The following IFT88 variants were observed in gnomAD, a reference collection of about 807,000 sequenced individuals.
IFT88 encodes the protein intraflagellar transport protein 88 homolog.
In IFT88, 74 loss-of-function variants were observed where a neutral mutation model predicts 119.5. The ratio of observed to expected loss-of-function variants is 0.62; its 90% CI spans 0.51 to 0.75. The LOEUF (loss-of-function observed/expected upper bound fraction) is 0.75, where lower values mean the gene tolerates loss of function less well. Ranked by LOEUF, IFT88 falls within the 30% of genes least tolerant of loss-of-function variation. IFT88 has a pLI of 0.00. For missense variants in IFT88, 961 were observed against 977.7 expected (o/e 0.98, Z 0.23); for synonymous variants, 279 against 316.7 (o/e 0.88, Z 1.26).
chr13:20,582,968 T>C lies in IFT88; in HGVS notation c.102T>C (p.Asn34=). 6.2e-7 allele frequency: 1 copy of C among 1,612,538 alleles called. No homozygotes were observed. The highest frequency in any genetic ancestry group is 8.5e-7 in the Non-Finnish European group (1 of 1,178,974). The change falls in exon 3 of 26, where the codon AAT becomes AAC. Residue 34 remains asparagine (N), a synonymous_variant. Transcript: ENST00000351808. ...CGTTTTCATTTTAGGAATTGGAGAA[T>C]GATGCAGCTTTTCAGCAAGCTGTGA... ...NPIYDIEELE[N]DAAFQQAVRT...
chr13:20,656,221 A>G (rs1481103509), intron 21 of IFT88, 144 bp from the exon 22 acceptor site: 2 of 362,412 alleles, frequency 5.5e-6, no homozygotes, highest in Non-Finnish European at 1.0e-5. Context: ...ATTTTCTTCT[A>G]AAAGTTATAT....
chr13:20,664,875 C>G (rs936108883), intron 23 of IFT88, among the ~76,000 whole-genome samples: 15 of 152,136 alleles, frequency 9.9e-5, no homozygotes, highest in East Asian at 1.9e-4. Context: ...GTCAGGAGAT[C>G]GAGACCATCC....
intron 14 of IFT88, among the ~76,000 whole-genome samples, chr13:20,621,981 A>G (rs150042040): frequency 2.4e-4 from 37 of 152,282 alleles, no homozygotes; most frequent in African/African-American, 8.7e-4. Context: ...ACAGGGTTGG[A>G]ATCATTTAGT....
intron 21 of IFT88, among the ~76,000 whole-genome samples, chr13:20,655,401 T>A (rs2052579868): frequency 6.7e-6 from 1 of 149,004 alleles, no homozygotes; most frequent in Non-Finnish European, 1.5e-5. Flanking sequence ...ATTGCGCCAC[T>A]GCACTCACTC....
chr13:20,636,207 T>C lies in IFT88; in HGVS notation c.1387-2125T>C, dbSNP rs573245175. Among the ~76,000 whole-genome samples, 14 of 152,282 alleles carry C rather than the reference T, an allele frequency of 9.2e-5. 1 individual carries two copies. The South Asian group carries it at 2.7e-3, about 29-fold the overall frequency. On this transcript the variant is annotated intron_variant, in intron 16 of 25. Coordinates refer to ENST00000351808, the MANE Select transcript of IFT88 (RefSeq NM_006531.5). ...CCTTGAAGTGTCTTAGAAGCCCACT[T>C]CGCTACCTGGGAGAGAAGGTCTGCT...
At chr13:20,609,862 A>G (rs1487118655) in intron 13 of IFT88, among the ~76,000 whole-genome samples, 1 of 152,216 alleles carries the variant, frequency 6.6e-6, no homozygotes, top group Non-Finnish European at 1.5e-5. Flanking sequence ...CTGAGTGCTC[A>G]GGTCTGAGCT....
chr13:20,675,778 A>G (rs2056584931), intron 24 of IFT88, among the ~76,000 whole-genome samples: 1 of 152,268 alleles, frequency 6.6e-6, no homozygotes, highest in African/African-American at 2.4e-5. Context: ...TGAGTTTTAT[A>G]TGTCACAAAA....
chr13:20,657,813 CAATG>C (rs1003529717), intron 22 of IFT88, among the ~76,000 whole-genome samples: 6 of 151,852 alleles, frequency 4.0e-5, no homozygotes, highest in African/African-American at 1.5e-4. Context: ...TCTTCAATGA[CAATG>C]AACACAAAAG....
At chr13:20,667,868 G>A (rs7323832) in intron 23 of IFT88, among the ~76,000 whole-genome samples, 38,826 of 152,006 alleles carry the variant, frequency 0.26, 6,478 homozygotes, top group African/African-American at 0.47. Flanking sequence ...AGAACAGTGT[G>A]CTTTATCTAT....
At chr13:20,663,822 T>C (rs1429042780) in intron 23 of IFT88, among the ~76,000 whole-genome samples, 1 of 152,228 alleles carries the variant, frequency 6.6e-6, no homozygotes. Flanking sequence ...TTTCATATTA[T>C]CTTAGTGGAT....
chr13:20,660,165 T>TGG (rs1594737760), intron 22 of IFT88, among the ~76,000 whole-genome samples: 1 of 152,110 alleles, frequency 6.6e-6, no homozygotes, highest in East Asian at 1.9e-4. Flanking sequence ...CTAGAGAATG[T>TGG]GGGAGGGGCT....
intron 1 of IFT88, among the ~76,000 whole-genome samples, chr13:20,571,298 C>G (rs2036324126): frequency 6.6e-6 from 1 of 152,184 alleles, no homozygotes; most frequent in South Asian, 2.1e-4. Context: ...CCAGCCTAAG[C>G]TGAAAATTTC....
chr13:20,684,960 T>TA (rs1443582530), intron 24 of IFT88, among the ~76,000 whole-genome samples: 1 of 152,108 alleles, frequency 6.6e-6, no homozygotes, highest in East Asian at 1.9e-4. Flanking sequence ...CTAGAGGAAT[T>TA]AAAGACACAG....
At chr13:20,571,925 C>A (rs1004309534) in intron 1 of IFT88, among the ~76,000 whole-genome samples, 1 of 152,176 alleles carries the variant, frequency 6.6e-6, no homozygotes, top group African/African-American at 2.4e-5. Context: ...GTCCTGAGTG[C>A]CTCCCCACCA....
chr13:20,568,365 G>C (rs892148244), intron 1 of IFT88, among the ~76,000 whole-genome samples: 1 of 152,198 alleles, frequency 6.6e-6, no homozygotes, highest in Non-Finnish European at 1.5e-5. Context: ...AGCCATGCTT[G>C]ATTCCCTTCA....
intron 25 of IFT88, 63 bp from the exon 26 acceptor site, chr13:20,690,991 T>C (rs962284441): frequency 2.7e-5 from 42 of 1,581,244 alleles, no homozygotes; most frequent in Admixed American, 8.8e-5. Flanking sequence ...ATGAGCCTGA[T>C]TGGTTTCACA....
chr13:20,615,689 TG>T (rs2045491046), intron 13 of IFT88, 103 bp from the exon 14 acceptor site: 9 of 571,320 alleles, frequency 1.6e-5, no homozygotes, highest in Non-Finnish European at 2.4e-5. Context: ...TAGGCTTTTG[TG>T]GTATGTTAGT....
At chr13:20,602,309 A>C (rs894825380) in intron 12 of IFT88, among the ~76,000 whole-genome samples, 1 of 148,866 alleles carries the variant, frequency 6.7e-6, no homozygotes, top group East Asian at 2.0e-4. Flanking sequence ...GGCTCTGGCA[A>C]TTCTCATGCC....
intron 1 of IFT88, among the ~76,000 whole-genome samples, chr13:20,571,102 T>C (rs915743500): frequency 7.2e-5 from 11 of 152,182 alleles, no homozygotes; most frequent in African/African-American, 2.7e-4. Context: ...CAGGCCATTC[T>C]CCTGCCTCAG....
Sources: gnomAD v4.1 joint callset for allele counts (sites outside exome capture counted in the v4.1 genomes callset) on GRCh38, gnomAD v4.1.1 for gene constraint, MANE v1.5 for transcripts, NCBI Gene and HGNC (gene_info 2026-07-23, HGNC 2026-07-21) for gene names.